Variants in ASH1L observed in about 807,000 individuals in gnomAD.
The protein encoded by ASH1L is histone-lysine N-methyltransferase ASH1L.
Under a neutral mutation model 269.0 loss-of-function variants are expected in ASH1L, and 23 were observed. That is an observed-to-expected ratio of 0.09 (90% confidence interval 0.06 to 0.12). The LOEUF (loss-of-function observed/expected upper bound fraction) is 0.12, where lower values mean the gene tolerates loss of function less well. Ranked by LOEUF, ASH1L falls within the 10% of genes least tolerant of loss-of-function variation. The pLI, the probability that ASH1L is intolerant of heterozygous loss-of-function variation, is 1.00. For synonymous variants in ASH1L, 1,187 were observed against 1,253.5 expected (o/e 0.95, Z 1.12); for missense variants, 2,912 against 3,567.8 (o/e 0.82, Z 4.68).
intron 20 of ASH1L, 53 bp downstream of exon 20, chr1:155,347,603 A>G: frequency 6.2e-7 from 1 of 1,602,832 alleles, no homozygotes; most frequent in South Asian, 1.1e-5. Flanking sequence ...TTCTTTGAAT[A>G]TGGTCACCGT....
At chr1:155,559,505 A>G (rs539620623) in intron 1 of ASH1L, among the ~76,000 whole-genome samples, 1 of 149,920 alleles carries the variant, frequency 6.7e-6, no homozygotes, top group Non-Finnish European at 1.5e-5. Flanking sequence ...ACTGCACTCC[A>G]GCCTGTTAAC....
At chr1:155,360,271 C>G (rs754990642) in intron 13 of ASH1L, 30 bp downstream of exon 13, 1 of 1,428,654 alleles carries the variant, frequency 7.0e-7, no homozygotes, top group Non-Finnish European at 9.9e-7. Context: ...GGATAAAGTT[C>G]AATCTCCCTC....
intron 12 of ASH1L, among the ~76,000 whole-genome samples, chr1:155,365,194 T>C (rs971359922): frequency 1.1e-4 from 16 of 152,122 alleles, no homozygotes; most frequent in African/African-American, 2.4e-4. Context: ...GCTGAAACTT[T>C]TGAGTTACTG....
At chr1:155,522,290 G>C (rs1668943977) in intron 1 of ASH1L, among the ~76,000 whole-genome samples, 1 of 152,058 alleles carries the variant, frequency 6.6e-6, no homozygotes, top group East Asian at 1.9e-4. Flanking sequence ...TCATTCACTT[G>C]TCCATTCAAA....
At chr1:155,405,337 C>A (rs968882636) in intron 6 of ASH1L, among the ~76,000 whole-genome samples, 5 of 151,386 alleles carry the variant, frequency 3.3e-5, no homozygotes, top group African/African-American at 1.2e-4. Flanking sequence ...TAAAAATTAG[C>A]CAGGTGTGTT....
At position 155,472,327 on chromosome 1, in the gene ASH1L, C is replaced by T. The variant is rs563411027; in HGVS notation, c.4984+5559G>A. Among the ~76,000 whole-genome samples the T allele has an allele frequency of 4.9e-4, 74 of 152,158 alleles. 2 individuals carry two copies. In the South Asian group the frequency reaches 0.014, roughly 29 times the overall value. ...AAGGAAATTTTTAAAAAGACAAATT[C>T]GTACTTAACACAGGTACTTTTGCAT... On this transcript the variant is annotated intron_variant, in intron 3 of 27. Coordinates refer to ENST00000392403, the MANE Select transcript of ASH1L (RefSeq NM_018489.3).
chr1:155,477,782 CAAA>C, intron 3 of ASH1L, 101 bp downstream of exon 3: 1 of 1,124,970 alleles, frequency 8.9e-7, no homozygotes, highest in South Asian at 3.0e-5. Flanking sequence ...TATTAAAAAA[CAAA>C]AAAAGATATA....
chr1:155,339,146 T>A (rs1487640396), intron 26 of ASH1L, among the ~76,000 whole-genome samples, 182 bp downstream of exon 26: 1 of 152,188 alleles, frequency 6.6e-6, no homozygotes, highest in Non-Finnish European at 1.5e-5. Context: ...CAATTAAGGC[T>A]CCATAATGGG....
At chr1:155,365,751 A>C (rs1399117058) in intron 12 of ASH1L, among the ~76,000 whole-genome samples, 1 of 152,160 alleles carries the variant, frequency 6.6e-6, no homozygotes, top group Non-Finnish European at 1.5e-5. Flanking sequence ...TACCTTTTCC[A>C]CAAAGTCCCT....
chr1:155,562,014 T>A lies in ASH1L; in HGVS notation c.-100+139A>T, dbSNP rs550587006. The A allele has an allele frequency of 1.2e-3, 762 of 651,132 alleles. 5 individuals carry two copies. In the African/African-American group the frequency reaches 0.013, roughly 11 times the overall value. The allele number at this position is 651,132 out of a possible 1,614,324, so 40.3% of individuals were successfully genotyped here. A position where few individuals can be genotyped will look rare whatever the true frequency, so the allele number is the denominator to read the frequency against. On this transcript the variant is annotated intron_variant, in intron 1 of 27. Transcript: ENST00000392403. ...CCGGTAGGCTCAGGATCCCCCTCCC[T>A]GCTCTCCCCTCCCCCATCTTCACCA...
At chr1:155,463,986 T>C (rs1379857182) in intron 3 of ASH1L, among the ~76,000 whole-genome samples, 1 of 152,224 alleles carries the variant, frequency 6.6e-6, no homozygotes, top group East Asian at 1.9e-4. Context: ...GTGAATCTTC[T>C]AATTCACTGA....
At chr1:155,446,788 A>AT (rs933949715) in intron 4 of ASH1L, among the ~76,000 whole-genome samples, 5 of 148,850 alleles carry the variant, frequency 3.4e-5, no homozygotes, top group East Asian at 2.0e-4. Context: ...CGCCCGGCTA[A>AT]TTTTTTTTGT....
intron 5 of ASH1L, among the ~76,000 whole-genome samples, chr1:155,418,627 T>C (rs1409167657): frequency 1.3e-5 from 2 of 151,970 alleles, no homozygotes; most frequent in Admixed American, 6.6e-5. Flanking sequence ...ATGAAAAAAA[T>C]TGAGAATTAT....
chr1:155,546,693 G>C (rs1443478468), intron 1 of ASH1L, among the ~76,000 whole-genome samples: 2 of 151,826 alleles, frequency 1.3e-5, no homozygotes, highest in Non-Finnish European at 1.5e-5. Context: ...GGGGGGCAGA[G>C]GTTGCAGTGA....
chr1:155,477,999 C>T lies in ASH1L; in HGVS notation c.4871G>A (p.Arg1624Gln), dbSNP rs931459501. 19 of 1,614,036 alleles carry T rather than the reference C, an allele frequency of 1.2e-5. No individual in the cohort carries two copies. Among genetic ancestry groups the T allele is most frequent in the African/African-American group, 6.7e-5 (5 of 74,902 alleles). ...TCCAGGGCTGTCAGTTAATTTCTTC[C>T]GGCCACTGGAGTTAGGGTTTGAAAC... ...CRVSNPNSSG[R>Q]KKLTDSPGLF... The change falls in exon 3 of 28, where the codon CGG becomes CAG. Residue 1624 changes from arginine to glutamine, a missense_variant. Coordinates refer to ENST00000392403, the MANE Select transcript of ASH1L (RefSeq NM_018489.3).
chr1:155,442,395 C>T (rs1045116830), intron 4 of ASH1L, among the ~76,000 whole-genome samples: 1 of 151,680 alleles, frequency 6.6e-6, no homozygotes, highest in African/African-American at 2.4e-5. Context: ...CCAGCCTGGC[C>T]AACATGGTGA....
intron 6 of ASH1L, among the ~76,000 whole-genome samples, chr1:155,406,050 A>G (rs1659257859): frequency 6.6e-6 from 1 of 151,828 alleles, no homozygotes; most frequent in African/African-American, 2.4e-5. Context: ...CTAAAAATAC[A>G]AAAAGTAGAT....
rs552910385 is a variant in ASH1L, at chr1:155,391,141, T to C, written c.6103+4318A>G. On this transcript the variant is annotated intron_variant, in intron 7 of 27. Transcript: ENST00000392403. ...TTGTATTTTTGGCAGAGATGGGGTT[T>C]TGCCATGTTGGCCAGGCTGGTCTCG... Among the ~76,000 whole-genome samples the C allele has an allele frequency of 3.9e-5, 6 of 152,228 alleles. No individual in the cohort carries two copies. The South Asian group carries it at 1.0e-3, about 26-fold the overall frequency.
chr1:155,529,676 T>G (rs907269558), intron 1 of ASH1L, among the ~76,000 whole-genome samples: 1 of 152,166 alleles, frequency 6.6e-6, no homozygotes, highest in African/African-American at 2.4e-5. Context: ...CTCAATTCAG[T>G]TGCAGGGTGA....
Sources: allele counts gnomAD v4.1 joint callset (sites outside exome capture counted in the v4.1 genomes callset), GRCh38; gene constraint gnomAD v4.1.1; transcripts MANE v1.5; gene names NCBI Gene and HGNC (gene_info 2026-07-23, HGNC 2026-07-21).